The following ZC3H12B variants were observed in gnomAD, a reference collection of about 807,000 sequenced individuals.
The protein encoded by ZC3H12B is zinc finger CCCH-type containing 12B.
Under a neutral mutation model 43.9 loss-of-function variants are expected in ZC3H12B, and 7 were observed. The ratio of observed to expected loss-of-function variants is 0.16; its 90% CI spans 0.09 to 0.30. The LOEUF (loss-of-function observed/expected upper bound fraction) is 0.30. Ranked by LOEUF, ZC3H12B falls within the 10% of genes least tolerant of loss-of-function variation. The probability of loss-of-function intolerance (pLI) is 1.00; values close to 1 mark genes in which losing one functional copy is unlikely to be tolerated. For synonymous variants in ZC3H12B, 222 were observed against 241.7 expected, an observed-to-expected ratio of 0.92 and a Z score of 0.76; for missense variants, 475 against 670.2, an observed-to-expected ratio of 0.71 and a Z score of 3.22.
At chrX:65,155,221 A>G in the ZC3H12B span, among the ~76,000 whole-genome samples, 1 of 110,224 alleles carries the variant, frequency 9.1e-6, no homozygotes, top group Non-Finnish European at 1.9e-5. Context: ...GCCTCCCAAA[A>G]TGCTAGGATT....
intron 1 of ZC3H12B, 115 bp from the exon 7 acceptor site, chrX:65,497,017 G>A (rs1321051770): frequency 5.1e-5 from 25 of 491,139 alleles, no homozygotes; most frequent in South Asian, 2.3e-4. Context: ...GAGAAAGAAA[G>A]AAAAGAATGT....
the ZC3H12B span, among the ~76,000 whole-genome samples, chrX:65,305,086 T>G: frequency 2.7e-5 from 3 of 111,837 alleles, no homozygotes; most frequent in African/African-American, 9.7e-5. Context: ...AGAAATGCAA[T>G]TAAAGTCACA....
At chrX:65,123,821 G>A in the ZC3H12B span, among the ~76,000 whole-genome samples, 12 of 106,800 alleles carry the variant, frequency 1.1e-4, no homozygotes, top group Admixed American at 1.1e-3. Context: ...CAGAGCTACT[G>A]ATTTGTGTAA....
chrX:65,368,922 G>A (rs769857127), exon 2 of ZC3H12B: 1 of 111,931 alleles, frequency 8.9e-6, no homozygotes, highest in Non-Finnish European at 1.9e-5. Flanking sequence ...TACAGACGTG[G>A]ACTACAGGCC....
intron 3 of ZC3H12B, among the ~76,000 whole-genome samples, chrX:65,458,508 T>C (rs2067671959): frequency 8.9e-6 from 1 of 111,738 alleles, no homozygotes; most frequent in African/African-American, 3.3e-5. Context: ...CAACAAACTG[T>C]CTCTCAGACC....
chrX:65,307,797 G>A, the ZC3H12B span, among the ~76,000 whole-genome samples: 1 of 111,366 alleles, frequency 9.0e-6, no homozygotes, highest in Non-Finnish European at 1.9e-5. Flanking sequence ...GCAAATTGTT[G>A]GAATCAGTGA....
rs1031332300 is a variant in ZC3H12B, at chrX:65,448,470, C to T, written n.408-40176C>T. Among the ~76,000 whole-genome samples the T allele has an allele frequency of 5.4e-5, 6 of 111,548 alleles. No homozygotes were observed. In the East Asian group the frequency reaches 1.7e-3, roughly 31 times the overall value. On this transcript the variant is annotated intron_variant and non_coding_transcript_variant, in intron 3 of 5. Transcript: ENST00000617377. ...TGTATGTTTATCACAGCACAATTAA[C>T]AATTGCAAAGATATAGAAAGAACCT...
intron 2 of ZC3H12B, among the ~76,000 whole-genome samples, chrX:65,370,535 C>A (rs1229474226): frequency 9.0e-6 from 1 of 111,576 alleles, no homozygotes; most frequent in Non-Finnish European, 1.9e-5. Flanking sequence ...GAATATTTAC[C>A]ATATGCTAGT....
At chrX:65,392,106 G>A (rs763276941) in intron 2 of ZC3H12B, among the ~76,000 whole-genome samples, 3 of 111,201 alleles carry the variant, frequency 2.7e-5, no homozygotes, top group African/African-American at 6.5e-5. Context: ...GCATGATCTC[G>A]GCTCGCTACA....
At chrX:65,269,323 G>T in the ZC3H12B span, among the ~76,000 whole-genome samples, 2 of 105,235 alleles carry the variant, frequency 1.9e-5, no homozygotes, top group African/African-American at 7.0e-5. Context: ...CCAGCCTGGC[G>T]ACAGAGCAAG....
chrX:65,261,336 C>G, the ZC3H12B span, among the ~76,000 whole-genome samples: 1 of 111,793 alleles, frequency 8.9e-6, no homozygotes, highest in South Asian at 3.7e-4. Context: ...TTAACCCTTT[C>G]ACAACAATTT....
chrX:65,354,104 G>C, the ZC3H12B span, among the ~76,000 whole-genome samples: 5 of 112,079 alleles, frequency 4.5e-5, no homozygotes, highest in African/African-American at 1.6e-4. Flanking sequence ...CCAGCACAGC[G>C]CTCGAGCTCT....
At chrX:65,449,273 C>A (rs1459724633) in intron 3 of ZC3H12B, among the ~76,000 whole-genome samples, 1 of 110,540 alleles carries the variant, frequency 9.0e-6, no homozygotes, top group Non-Finnish European at 1.9e-5. Context: ...TGTAACAAAC[C>A]TGCACGTCCT....
the ZC3H12B span, among the ~76,000 whole-genome samples, chrX:65,219,281 A>G: frequency 8.9e-6 from 1 of 111,744 alleles, no homozygotes; most frequent in Non-Finnish European, 1.9e-5. Context: ...ACTCCCTCAA[A>G]AGATTACACT....
chrX:65,228,150 C>A, the ZC3H12B span, among the ~76,000 whole-genome samples: 3 of 111,757 alleles, frequency 2.7e-5, no homozygotes, highest in Admixed American at 9.5e-5. Flanking sequence ...TACTGGCAAA[C>A]CGAATCCAGC....
At chrX:65,358,321 G>C in the ZC3H12B span, among the ~76,000 whole-genome samples, 16 of 111,375 alleles carry the variant, frequency 1.4e-4, no homozygotes, top group Admixed American at 1.3e-3. Flanking sequence ...CTCGGCTCTG[G>C]ACCAAGCAGA....
intron 3 of ZC3H12B, chrX:65,408,008 T>G: frequency 9.3e-7 from 1 of 1,069,774 alleles, no homozygotes; most frequent in Non-Finnish European, 1.2e-6. Flanking sequence ...TTAATTTTCC[T>G]CGGCGGGATT....
the ZC3H12B span, among the ~76,000 whole-genome samples, chrX:65,220,533 G>A: frequency 3.6e-4 from 40 of 111,952 alleles, 1 homozygote; most frequent in African/African-American, 1.1e-3. Context: ...GACACCAAAA[G>A]GGAGCAGGAG....
chrX:65,072,608 G>T, the ZC3H12B span, among the ~76,000 whole-genome samples: 3 of 111,725 alleles, frequency 2.7e-5, no homozygotes, highest in Non-Finnish European at 5.6e-5. Context: ...GTGGTATTTG[G>T]TGGGTACAGT....
Sources: gnomAD v4.1 joint callset for allele counts (sites outside exome capture counted in the v4.1 genomes callset) on GRCh38, gnomAD v4.1.1 for gene constraint, MANE v1.5 for transcripts, NCBI Gene and HGNC (gene_info 2026-07-23, HGNC 2026-07-21) for gene names.